LILRB4: variants seen among roughly 807,000 people sequenced by gnomAD.
The protein encoded by LILRB4 is leukocyte immunoglobulin like receptor B4.
LILRB4 carries 49 observed loss-of-function variants against 55.2 expected under a neutral mutation model. The observed-to-expected ratio is 0.89, with a 90% CI of 0.71 to 1.13. LILRB4 has a LOEUF of 1.13. Among genes scored for constraint, LILRB4 ranks in the 50% most tolerant of loss-of-function variants. The pLI is 0.00. For missense variants in LILRB4, 590 were observed against 555.2 expected, an observed-to-expected ratio of 1.06 and a Z score of -0.63; for synonymous variants, 229 against 213.8, an observed-to-expected ratio of 1.07 and a Z score of -0.62.
rs893684059 is a variant in LILRB4, at chr19:54,664,787, C to A, written c.656-12C>A. 1.0e-5 allele frequency: 16 copies of A among 1,566,288 alleles called. No individual in the cohort carries two copies. The highest frequency in any genetic ancestry group is 1.4e-5 in the Non-Finnish European group (16 of 1,155,598). On this transcript the variant is annotated splice_polypyrimidine_tract_variant and intron_variant, in intron 4 of 11. Transcript: ENST00000430952. Reference sequence around the variant, plus strand: ...CCCCAGACTCTCACCCTCCTCTTGTCCTTCTACCCAGGATCCTTGGAGGGT... The same window carrying A: ...CCCCAGACTCTCACCCTCCTCTTGTACTTCTACCCAGGATCCTTGGAGGGT...
chr19:54,663,882 G>T, exon 3 of LILRB4: 1 of 1,614,168 alleles, frequency 6.2e-7, no homozygotes, highest in Non-Finnish European at 8.5e-7. Flanking sequence ...GGAAAGCCCA[G>T]CACCCTGGGA....
chr19:54,668,154 G>A lies in LILRB4; in HGVS notation c.*135G>A, dbSNP rs112980831. On this transcript the variant is annotated 3_prime_UTR_variant, in exon 12 of 12. Transcript: ENST00000430952. ...CAGACCACTAGAAGATTCCGGGAAC[G>A]TTGGGAGTCACCTGATTCTGCAAAG... is the stretch of plus-strand genomic sequence containing the variant. 9.8e-4 allele frequency: 956 copies of A among 977,128 alleles called. 4 individuals are homozygous for A. In the African/African-American group the frequency reaches 0.011, roughly 11 times the overall value. The allele number at this position is 977,128 out of a possible 1,614,324, so 60.5% of individuals were successfully genotyped here.
chr19:54,664,334 A>T, exon 4 of LILRB4: 1 of 1,614,080 alleles, frequency 6.2e-7, no homozygotes, highest in Non-Finnish European at 8.5e-7. Flanking sequence ...TGCATCTGAG[A>T]TCAGAGCACG....
In LILRB4 at chr19:54,665,553, G is replaced by C. The variant is rs1193313679; in HGVS notation, c.758-262G>C. On this transcript the variant is annotated intron_variant, in intron 6 of 11. Coordinates refer to ENST00000430952, the Ensembl canonical transcript of LILRB4. This position sits in a 1 kb window ranked among gnomAD's most constrained non-coding sequence, Gnocchi z 5.5. Reference sequence around the variant, plus strand: ...GGGCTTGGCTCTGGTGCAGGAACAAGGGCTGCAGCTCAGACTCCCGGGTTT... The same window carrying C: ...GGGCTTGGCTCTGGTGCAGGAACAACGGCTGCAGCTCAGACTCCCGGGTTT... Among the ~76,000 whole-genome samples, 1 of 152,120 alleles carries C rather than the reference G, an allele frequency of 6.6e-6. No homozygotes were observed. Among genetic ancestry groups the C allele is most frequent in the Admixed American group, 6.5e-5 (1 of 15,276 alleles).
At chr19:54,668,511 A>G (rs2065395210), downstream of LILRB4, 2 of 154,846 alleles carry the variant, frequency 1.3e-5, no homozygotes, top group Non-Finnish European at 2.9e-5. Flanking sequence ...CCCTACACAC[A>G]GCTTTACAGA....
At position 54,665,517 on chromosome 19, in the gene LILRB4, C is replaced by T. The variant is rs532873259; in HGVS notation, c.758-298C>T. Reference sequence around the variant, plus strand: ...GGTTCAAGACAGTCAGGCTCTTTCCCTGCAACTCTGGGGCTTGGCTCTGGT... The same window carrying T: ...GGTTCAAGACAGTCAGGCTCTTTCCTTGCAACTCTGGGGCTTGGCTCTGGT... On this transcript the variant is annotated intron_variant, in intron 6 of 11. Transcript: ENST00000430952. This position sits in a 1 kb window ranked among gnomAD's most constrained non-coding sequence, Gnocchi z 5.5. 4.1e-4 allele frequency among the ~76,000 whole-genome samples: 63 copies of T among 152,242 alleles called. No homozygotes were observed. The highest frequency in any genetic ancestry group is 3.4e-3 in the Middle Eastern group (1 of 294).
chr19:54,663,345 C>T (rs906490315), intron 1 of LILRB4, among the ~76,000 whole-genome samples, 187 bp from the exon 2 acceptor site: 1 of 147,986 alleles, frequency 6.8e-6, no homozygotes, highest in African/African-American at 2.5e-5. Flanking sequence ...ACTCGGGAGG[C>T]TGAGGCAGGA....
chr19:54,666,528 G>T lies in LILRB4; in HGVS notation c.988+92G>T. 1 of 1,521,910 alleles carries T rather than the reference G, an allele frequency of 6.6e-7. No individual in the cohort carries two copies. The highest frequency in any genetic ancestry group is 1.2e-5 in the South Asian group (1 of 85,224). The allele number at this position is 1,521,910 out of a possible 1,614,324, so 94.3% of individuals were successfully genotyped here. A position where few individuals can be genotyped will look rare whatever the true frequency, so the allele number is the denominator to read the frequency against. On this transcript the variant is annotated intron_variant, in intron 9 of 11. Coordinates refer to ENST00000430952, the Ensembl canonical transcript of LILRB4. This position sits in a 1 kb window ranked among gnomAD's most constrained non-coding sequence, Gnocchi z 4.8. ...GGGGCAGGAGCACAGGCTAGGATTG[G>T]TCAGGGACTCAGGGAGAAGTGGTCT... is the stretch of plus-strand genomic sequence containing the variant.
exon 11 of LILRB4, chr19:54,667,655 C>A (rs1472174635): frequency 6.2e-7 from 1 of 1,611,200 alleles, no homozygotes; most frequent in Admixed American, 1.7e-5. Context: ...ACGATGAAGA[C>A]CCCCAGGCAG....
At chr19:54,663,602 C>T (rs866148721) in intron 2 of LILRB4, 35 bp downstream of exon 2, 2 of 1,613,060 alleles carry the variant, frequency 1.2e-6, no homozygotes. Flanking sequence ...GGTCCCTCCT[C>T]CTCACTGGGA....
rs977805474 is a variant in LILRB4 at position 54,665,676 on chromosome 19, G to C, written c.758-139G>C. 5 of 1,049,068 alleles carry C rather than the reference G, an allele frequency of 4.8e-6. No homozygotes were observed. The highest frequency in any genetic ancestry group is 1.6e-5 in the African/African-American group (1 of 63,432). 65.0% of individuals were successfully genotyped at this position (1,049,068 alleles called of 1,614,324 possible). ...TGCATCTGTGAAATGGGTGGAGAGA[G>C]GGTGGCAATCTCAGGTTGCACAACT... On this transcript the variant is annotated intron_variant, in intron 6 of 11. Transcript: ENST00000430952. This position sits in a 1 kb window ranked among gnomAD's most constrained non-coding sequence, Gnocchi z 5.5.
chr19:54,668,166 C>G (rs181896591), exon 12 of LILRB4: 243 of 835,122 alleles, frequency 2.9e-4, no homozygotes, highest in Non-Finnish European at 4.1e-4. Context: ...TGGGAGTCAC[C>G]TGATTCTGCA....
rs200721611 is a variant in LILRB4 at position 54,666,748 on chromosome 19, G to A, written c.1040G>A (p.Arg347Gln). 315 of 1,614,054 alleles carry A rather than the reference G, an allele frequency of 2.0e-4. No homozygotes were observed. Among genetic ancestry groups the A allele is most frequent in the Middle Eastern group, 3.3e-4 (2 of 6,042 alleles). ...GAGGACGGGGTGGAAATGGACACTC[G>A]GGTGAGAACCCGCCCCTGTCCCCGG... The change falls in exon 10 of 12, where the codon CGG becomes CAG. Residue 347 changes from arginine (R) to glutamine (Q), a missense_variant and splice_region_variant. Coordinates refer to ENST00000430952, the Ensembl canonical transcript of LILRB4. The surrounding 1 kb of genome is among the most constrained non-coding windows in gnomAD (Gnocchi z 4.8).
At position 54,664,058 on chromosome 19, in the gene LILRB4, T is replaced by C; in HGVS notation, c.355+20T>C. 2 of 1,607,484 alleles carry C rather than the reference T, an allele frequency of 1.2e-6. No homozygotes were observed. The highest frequency in any genetic ancestry group is 1.7e-6 in the Non-Finnish European group (2 of 1,177,392). On this transcript the variant is annotated intron_variant, in intron 3 of 11. Transcript: ENST00000430952. ...TGACAGGTGAGAGGACACTCAGGGG[T>C]CCCAGCCCCAGGCTCTGCCCTCAGG...
rs1317061548 is a variant in LILRB4 at position 54,665,700 on chromosome 19, C to T, written c.758-115C>T. ...AGGGTGGCAATCTCAGGTTGCACAA[C>T]TGCTGTGAGGGTTGGAGGTAATGAA... On this transcript the variant is annotated intron_variant, in intron 6 of 11. Transcript: ENST00000430952. The surrounding 1 kb of genome is among the most constrained non-coding windows in gnomAD (Gnocchi z 5.5). 2 of 1,256,750 alleles carry T rather than the reference C, an allele frequency of 1.6e-6. No individual in the cohort carries two copies. Among genetic ancestry groups the T allele is most frequent in the African/African-American group, 3.0e-5 (2 of 67,136 alleles). The allele number at this position is 1,256,750 out of a possible 1,614,324, so 77.8% of individuals were successfully genotyped here. A position where few individuals can be genotyped will look rare whatever the true frequency, so the allele number is the denominator to read the frequency against.
Position 54,665,041 on chromosome 19 carries a change from G to C in LILRB4, c.707-89G>C, listed in dbSNP as rs535694979. The C allele has an allele frequency of 2.0e-6, 3 of 1,536,708 alleles. No homozygotes were observed. The highest frequency in any genetic ancestry group is 2.3e-5 in the East Asian group (1 of 44,062). Reference sequence around the variant, plus strand: ...GGCTGGGCTGGTGAGGGGTGAGGGGGTCAAGGCTGAAGGAGATGTTGCGGG... The same window carrying C: ...GGCTGGGCTGGTGAGGGGTGAGGGGCTCAAGGCTGAAGGAGATGTTGCGGG... On this transcript the variant is annotated intron_variant, in intron 5 of 11. Coordinates refer to ENST00000430952, the Ensembl canonical transcript of LILRB4. The surrounding 1 kb of genome is among the most constrained non-coding windows in gnomAD (Gnocchi z 5.5).
exon 4 of LILRB4, chr19:54,664,409 C>T: frequency 6.2e-7 from 1 of 1,612,030 alleles, no homozygotes; most frequent in Non-Finnish European, 8.5e-7. Context: ...GGGGGACCTA[C>T]AGGTGCTTCA....
At chr19:54,664,114 C>G in intron 3 of LILRB4, 72 bp from the exon 4 acceptor site, 1 of 1,597,042 alleles carries the variant, frequency 6.3e-7, no homozygotes. Context: ...GCATCTCCCT[C>G]TCACAGCCCA....
At chr19:54,663,011 TG>T (rs756468671) in exon 1 of LILRB4, 1 of 1,614,044 alleles carries the variant, frequency 6.2e-7, no homozygotes, top group South Asian at 1.1e-5. Context: ...TCTGCACAGC[TG>T]GGGCCCCTGG....
Sources: allele counts gnomAD v4.1 joint callset (sites outside exome capture counted in the v4.1 genomes callset), GRCh38; gene constraint gnomAD v4.1.1; non-coding constraint Gnocchi (gnomAD v3.1); transcripts MANE v1.5; gene names NCBI Gene and HGNC (gene_info 2026-07-23, HGNC 2026-07-21).